SPOCK1: variants seen among roughly 807,000 people sequenced by gnomAD.
The protein encoded by SPOCK1 is testican-1.
A neutral mutation model predicts 55.3 loss-of-function variants in SPOCK1; 23 were observed. The observed-to-expected ratio is 0.42, with a 90% CI of 0.30 to 0.59. SPOCK1 has a LOEUF of 0.59. Among genes scored for constraint, SPOCK1 ranks in the 20% least tolerant of loss-of-function variants. The pLI is 0.22. For synonymous variants in SPOCK1, 226 were observed against 221.0 expected, an observed-to-expected ratio of 1.02 and a Z score of -0.20; for missense variants, 499 against 552.5, an observed-to-expected ratio of 0.90 and a Z score of 0.97.
chr5:137,167,095 A>C (rs1754661920), intron 3 of SPOCK1, among the ~76,000 whole-genome samples: 1 of 152,156 alleles, frequency 6.6e-6, no homozygotes, highest in African/African-American at 2.4e-5. Flanking sequence ...ATAAAGACAC[A>C]CATAGACTGA....
At chr5:137,193,652 G>C (rs199853148) in intron 3 of SPOCK1, among the ~76,000 whole-genome samples, 2 of 152,168 alleles carry the variant, frequency 1.3e-5, no homozygotes, top group East Asian at 1.9e-4. Flanking sequence ...GGATGGAAAG[G>C]GTAGAGCTGA....
intron 2 of SPOCK1, among the ~76,000 whole-genome samples, chr5:137,287,732 T>C (rs1020908701): frequency 3.3e-5 from 5 of 152,170 alleles, no homozygotes; most frequent in African/African-American, 9.7e-5. Context: ...TATGCTGTCA[T>C]TGTAGTTGTG....
chr5:137,486,022 C>T (rs938482043), intron 2 of SPOCK1, among the ~76,000 whole-genome samples: 49 of 152,200 alleles, frequency 3.2e-4, no homozygotes, highest in African/African-American at 1.2e-3. Context: ...CCCTACCAAT[C>T]CAGGGCTGCT....
intron 3 of SPOCK1, among the ~76,000 whole-genome samples, chr5:137,142,291 T>C (rs1754114836): frequency 6.6e-6 from 1 of 152,244 alleles, no homozygotes; most frequent in South Asian, 2.1e-4. Context: ...CTCCTCAGCA[T>C]GTAGAGGACA....
At chr5:137,240,868 G>A (rs1479692433) in intron 3 of SPOCK1, among the ~76,000 whole-genome samples, 1 of 152,074 alleles carries the variant, frequency 6.6e-6, no homozygotes, top group African/African-American at 2.4e-5. Flanking sequence ...GTGACTATAA[G>A]ACAAACAAAT....
chr5:137,370,081 G>A (rs1751165819), intron 2 of SPOCK1, among the ~76,000 whole-genome samples: 1 of 152,150 alleles, frequency 6.6e-6, no homozygotes, highest in Non-Finnish European at 1.5e-5. Flanking sequence ...AGTGATGCAA[G>A]GATGGTGCCT....
At chr5:137,301,832 C>T (rs1757597350) in intron 2 of SPOCK1, among the ~76,000 whole-genome samples, 1 of 151,952 alleles carries the variant, frequency 6.6e-6, no homozygotes. Flanking sequence ...TCTATTTTAA[C>T]AACTCCAGAT....
rs925271107 is a variant in SPOCK1 at position 137,021,069 on chromosome 5, A to G, written c.590-28469T>C. ...CTAGGTATATGCCCTGCATAAAATC[A>G]TTTGTACACATACACCCAGAGAAGT... On this transcript the variant is annotated intron_variant, in intron 6 of 10. Coordinates refer to ENST00000394945, the MANE Select transcript of SPOCK1 (RefSeq NM_004598.4). Among the ~76,000 whole-genome samples the G allele has an allele frequency of 1.8e-4, 27 of 152,126 alleles. 1 individual carries two copies. The highest frequency in any genetic ancestry group is 6.5e-4 in the African/African-American group (27 of 41,442).
chr5:137,130,765 G>A (rs1345679945), intron 4 of SPOCK1, among the ~76,000 whole-genome samples: 1 of 152,232 alleles, frequency 6.6e-6, no homozygotes, highest in Non-Finnish European at 1.5e-5. Flanking sequence ...AGCTGTGGAC[G>A]CATCATGGAC....
rs1753916529 is a variant in SPOCK1 at position 137,480,001 on chromosome 5, C to T, written c.186+18372G>A. Among the ~76,000 whole-genome samples, 3 of 152,136 alleles carry T rather than the reference C, an allele frequency of 2.0e-5. 1 individual carries two copies. The South Asian group carries it at 6.2e-4, about 31-fold the overall frequency. ...AATCAGACATTCATCCCCACTCAGA[C>T]TCCTCAAGCCACAAGTCAAGACTGT... On this transcript the variant is annotated intron_variant, in intron 2 of 10. Coordinates refer to ENST00000394945, the MANE Select transcript of SPOCK1 (RefSeq NM_004598.4).
chr5:137,147,043 T>C (rs922802932), intron 3 of SPOCK1, among the ~76,000 whole-genome samples: 8 of 152,194 alleles, frequency 5.3e-5, no homozygotes, highest in African/African-American at 1.7e-4. Flanking sequence ...GGGACTTCTT[T>C]CTGTGTCAAA....
chr5:137,105,176 G>A (rs988431493), intron 5 of SPOCK1, among the ~76,000 whole-genome samples: 3 of 152,134 alleles, frequency 2.0e-5, no homozygotes, highest in African/African-American at 4.8e-5. Context: ...CATCCTTAAC[G>A]CCATTGCTAT....
chr5:137,274,565 C>T (rs1757026245), intron 2 of SPOCK1, among the ~76,000 whole-genome samples: 2 of 152,200 alleles, frequency 1.3e-5, no homozygotes, highest in Non-Finnish European at 2.9e-5. Context: ...ATTTCATGTC[C>T]ATTTCCTGAG....
intron 6 of SPOCK1, among the ~76,000 whole-genome samples, chr5:137,043,557 C>A (rs1433594699): frequency 6.6e-6 from 1 of 152,126 alleles, no homozygotes; most frequent in Non-Finnish European, 1.5e-5. Flanking sequence ...AGGTTTGCAT[C>A]AATGGTGATA....
At chr5:137,376,972 CT>C (rs1454739110) in intron 2 of SPOCK1, among the ~76,000 whole-genome samples, 2 of 152,194 alleles carry the variant, frequency 1.3e-5, no homozygotes, top group African/African-American at 2.4e-5. Context: ...TGGCACTTCG[CT>C]TCCTAACTCA....
intron 2 of SPOCK1, among the ~76,000 whole-genome samples, chr5:137,375,280 A>G (rs1315144318): frequency 6.6e-6 from 1 of 151,796 alleles, no homozygotes; most frequent in Non-Finnish European, 1.5e-5. Flanking sequence ...ACACAACACC[A>G]TGGTAATCCC....
chr5:137,299,555 C>A (rs904202794), intron 2 of SPOCK1, among the ~76,000 whole-genome samples: 1 of 151,996 alleles, frequency 6.6e-6, no homozygotes, highest in African/African-American at 2.4e-5. Flanking sequence ...GCCTGAAGAA[C>A]TTCCTTTAGC....
intron 9 of SPOCK1, among the ~76,000 whole-genome samples, chr5:136,983,405 A>G (rs749235510): frequency 1.4e-4 from 22 of 152,352 alleles, no homozygotes; most frequent in South Asian, 8.3e-4. Flanking sequence ...ATCACTTAGG[A>G]AAGGCTGCTG....
In SPOCK1 at chr5:137,498,384, G is replaced by A; in HGVS notation, c.175C>T (p.Arg59Cys). 2 of 1,599,532 alleles carry A rather than the reference G, an allele frequency of 1.3e-6. No homozygotes were observed. Among genetic ancestry groups the A allele is most frequent in the Non-Finnish European group, 8.5e-7 (1 of 1,172,818 alleles). Residue 59 changes from arginine (R) to cysteine (C), a missense_variant, in exon 2 of 11, where the codon CGC (arginine) becomes TGC (cysteine). By Grantham distance (180) the Arg-to-Cys change is radical. Transcript: ENST00000394945. ...SQYDRDKYWN[R>C]FRDDDYFRNW... The stretch of plus-strand genomic sequence containing the variant: ...GCGCCGGTACTCACGTCTCGAAAGC[G>A]GTTCCAGTACTTGTCCCGGTCGTAC...
Sources: allele counts gnomAD v4.1 joint callset (sites outside exome capture counted in the v4.1 genomes callset), GRCh38; gene constraint gnomAD v4.1.1; transcripts MANE v1.5; gene names NCBI Gene and HGNC (gene_info 2026-07-23, HGNC 2026-07-21).